FAP: variants seen among roughly 807,000 people sequenced by gnomAD.
FAP encodes prolyl endopeptidase FAP.
A neutral mutation model predicts 126.5 loss-of-function variants in FAP; 110 were observed. That is an observed-to-expected ratio of 0.87 (90% CI 0.74 to 1.02). The LOEUF (loss-of-function observed/expected upper bound fraction) is 1.02. Ranked by LOEUF, FAP falls within the 50% of genes least tolerant of loss-of-function variation. The pLI is 0.00. For synonymous variants in FAP, 334 were observed against 297.3 expected (o/e 1.12, Z -1.27); for missense variants, 919 against 909.2 (o/e 1.01, Z -0.14).
chr2:162,178,348 G>T (rs551402462), intron 21 of FAP, among the ~76,000 whole-genome samples: 1 of 152,200 alleles, frequency 6.6e-6, no homozygotes, highest in Non-Finnish European at 1.5e-5. Flanking sequence ...GCATATCAGG[G>T]TTTTGCAACT....
intron 25 of FAP, chr2:162,172,264 C>A (rs1332699988): frequency 6.6e-6 from 1 of 152,142 alleles, no homozygotes; most frequent in Non-Finnish European, 1.5e-5. Flanking sequence ...CCTCAAGCAA[C>A]CTGGATTTTA....
chr2:162,193,576 T>C (rs976026283), intron 17 of FAP: 3 of 152,162 alleles, frequency 2.0e-5, no homozygotes, highest in Non-Finnish European at 2.9e-5. Context: ...GTGATTTCTA[T>C]TAAAACAAAA....
At chr2:162,210,659 A>T (rs1322844011) in intron 11 of FAP, among the ~76,000 whole-genome samples, 1 of 152,126 alleles carries the variant, frequency 6.6e-6, no homozygotes. Context: ...AGAAGTTTCA[A>T]TTTCTCCTGT....
intron 2 of FAP, among the ~76,000 whole-genome samples, chr2:162,230,711 A>G (rs975571823): frequency 2.0e-5 from 3 of 152,096 alleles, no homozygotes; most frequent in Admixed American, 6.6e-5. Context: ...GTGTGCTTAT[A>G]TAAAAAACAG....
intron 25 of FAP, chr2:162,172,180 T>C (rs1484372916): frequency 1.3e-5 from 2 of 152,120 alleles, no homozygotes; most frequent in African/African-American, 2.4e-5. Context: ...GAGGAAAAGG[T>C]AGCTACCAAG....
At chr2:162,212,532 A>C (rs757614797) in intron 11 of FAP, among the ~76,000 whole-genome samples, 3 of 152,204 alleles carry the variant, frequency 2.0e-5, no homozygotes, top group African/African-American at 4.8e-5. Context: ...TCTCACAGAC[A>C]CAGTAGTGAT....
chr2:162,183,173 T>A (rs1165588612), intron 21 of FAP, among the ~76,000 whole-genome samples: 1 of 152,090 alleles, frequency 6.6e-6, no homozygotes, highest in African/African-American at 2.4e-5. Flanking sequence ...TAACAAAGAC[T>A]TAAGTAAAAA....
At position 162,170,835 on chromosome 2, in the gene FAP, T is replaced by C. The variant is rs1312558353; in HGVS notation, c.*144A>G. 1 of 601,514 alleles carries C rather than the reference T, an allele frequency of 1.7e-6. No homozygotes were observed. Among genetic ancestry groups the C allele is most frequent in the Non-Finnish European group, 2.9e-6 (1 of 343,944 alleles). 37.3% of individuals were successfully genotyped at this position (601,514 alleles called of 1,614,324 possible). A position where few individuals can be genotyped will look rare whatever the true frequency, so the allele number is the denominator to read the frequency against. ...TTTAGCTTGAACTTCTGAGTCCTCA[T>C]CTTTTTTTTAACAGCCTTTAGAACA... On this transcript the variant is annotated 3_prime_UTR_variant, in exon 26 of 26. Coordinates refer to ENST00000188790, the MANE Select transcript of FAP (RefSeq NM_004460.5).
chr2:162,198,211 C>A, intron 16 of FAP: 1 of 1,289,618 alleles, frequency 7.8e-7, no homozygotes, highest in Non-Finnish European at 1.0e-6. Context: ...GACAAAGGTT[C>A]ATCTTCTATC....
intron 17 of FAP, among the ~76,000 whole-genome samples, chr2:162,194,382 A>T (rs1688162585): frequency 6.6e-6 from 1 of 151,494 alleles, no homozygotes. Flanking sequence ...GGAAGATCGT[A>T]CTGAATGTGC....
At chr2:162,214,482 GTC>G (rs1457003625) in intron 10 of FAP, among the ~76,000 whole-genome samples, 1 of 151,858 alleles carries the variant, frequency 6.6e-6, no homozygotes. Context: ...GATAATCTTT[GTC>G]TCTCAGCAGA....
At chr2:162,241,630 A>G (rs1690350820) in intron 2 of FAP, among the ~76,000 whole-genome samples, 1 of 152,204 alleles carries the variant, frequency 6.6e-6, no homozygotes, top group African/African-American at 2.4e-5. Context: ...ATTAACATTC[A>G]AAGGATCTAT....
At chr2:162,225,692 T>C (rs1559790995) in intron 3 of FAP, 115 bp from the exon 4 acceptor site, 1 of 1,020,820 alleles carries the variant, frequency 9.8e-7, no homozygotes, top group Non-Finnish European at 1.3e-6. Flanking sequence ...CTCTGTCCAG[T>C]ACATATTGCT....
chr2:162,231,586 T>A (rs1433360610), intron 2 of FAP, among the ~76,000 whole-genome samples: 1 of 152,206 alleles, frequency 6.6e-6, no homozygotes, highest in Non-Finnish European at 1.5e-5. Flanking sequence ...TCATTAACTA[T>A]GCTTTAATTA....
intron 21 of FAP, among the ~76,000 whole-genome samples, chr2:162,179,811 TA>T (rs71410009): frequency 0.15 from 17,743 of 121,308 alleles, 1,543 homozygotes; most frequent in East Asian, 0.28. Context: ...TATATATATA[TA>T]TTTTTTTTTT....
At chr2:162,209,127 A>T (rs1412813347) in intron 12 of FAP, among the ~76,000 whole-genome samples, 2 of 151,962 alleles carry the variant, frequency 1.3e-5, no homozygotes, top group African/African-American at 4.8e-5. Context: ...TCGATTTCTG[A>T]CTTTTTTTTG....
intron 25 of FAP, chr2:162,172,536 G>A: frequency 2.9e-6 from 1 of 348,628 alleles, no homozygotes; most frequent in East Asian, 4.9e-5. Flanking sequence ...TAGGATTTCA[G>A]AACTACTGGA....
At chr2:162,199,160 T>A (rs1439505880) in intron 15 of FAP, among the ~76,000 whole-genome samples, 1 of 152,144 alleles carries the variant, frequency 6.6e-6, no homozygotes, top group Admixed American at 6.5e-5. Context: ...AGTGAGGTAG[T>A]CACTTCCCAT....
rs1689307818 is a variant in FAP at position 162,219,773 on chromosome 2, G to C, written c.486+80C>G. Reference sequence around the variant, plus strand: ...AATGTATTTTTTTTTCTTTCAGGCAGGGAAATTTAACAAAGGCCAAAATCA... The same window carrying C: ...AATGTATTTTTTTTTCTTTCAGGCACGGAAATTTAACAAAGGCCAAAATCA... On this transcript the variant is annotated intron_variant, in intron 7 of 25. Coordinates refer to ENST00000188790, the MANE Select transcript of FAP (RefSeq NM_004460.5). The C allele has an allele frequency of 6.4e-6, 6 of 933,934 alleles. No individual in the cohort carries two copies. In the Middle Eastern group the frequency reaches 7.2e-4, roughly 112 times the overall value. 57.9% of individuals were successfully genotyped at this position (933,934 alleles called of 1,614,324 possible).
Sources: gnomAD v4.1 joint callset for allele counts (sites outside exome capture counted in the v4.1 genomes callset) on GRCh38, gnomAD v4.1.1 for gene constraint, MANE v1.5 for transcripts, NCBI Gene and HGNC (gene_info 2026-07-23, HGNC 2026-07-21) for gene names.